FGFR1: variants seen among roughly 807,000 people sequenced by gnomAD.
The protein encoded by FGFR1 is FGFR1/PLAG1 fusion.
FGFR1 carries 18 observed loss-of-function variants against 93.7 expected under a neutral mutation model. The ratio of observed to expected loss-of-function variants is 0.19; its 90% CI spans 0.13 to 0.28. The LOEUF is 0.28. FGFR1 is among the 10% of genes least tolerant of loss of function. The pLI is 1.00. For synonymous variants in FGFR1, 448 were observed against 429.3 expected (o/e 1.04, Z -0.54); for missense variants, 731 against 1,080.4 (o/e 0.68, Z 4.53).
chr8:38,457,291 C>T lies in FGFR1; in HGVS notation c.91+65G>A, dbSNP rs2151337502. On this transcript the variant is annotated intron_variant, in intron 2 of 17. Transcript: ENST00000447712. Reference sequence around the variant, plus strand: ...ACCACATCACCTGCAACCATATCACCTCCCTCCCAGCCCATCCTGTTCCCA... The same window carrying T: ...ACCACATCACCTGCAACCATATCACTTCCCTCCCAGCCCATCCTGTTCCCA... The T allele has an allele frequency of 3.2e-6, 5 of 1,570,378 alleles. No homozygotes were observed. In the South Asian group the frequency reaches 4.5e-5, roughly 14 times the overall value.
In FGFR1 at chr8:38,468,222, C is replaced by A. The variant is rs560249284; in HGVS notation, c.-330G>T. The A allele has an allele frequency of 4.8e-5, 11 of 228,608 alleles. No individual in the cohort carries two copies. In the South Asian group the frequency reaches 1.8e-3, roughly 38 times the overall value. The allele number at this position is 228,608 out of a possible 1,614,324, so 14.2% of individuals were successfully genotyped here. The stretch of plus-strand genomic sequence containing the variant: ...GGAGGCGGGGCGGGGGGAGGGCTCC[C>A]GTCCGCCACCCGGGGTCTCCAGACC... On this transcript the variant is annotated 5_prime_UTR_variant, in exon 1 of 18. Coordinates refer to ENST00000447712, the MANE Select transcript of FGFR1 (RefSeq NM_023110.3).
chr8:38,440,628 T>G (rs1827097443), intron 2 of FGFR1, among the ~76,000 whole-genome samples: 1 of 151,474 alleles, frequency 6.6e-6, no homozygotes, highest in Admixed American at 6.6e-5. Context: ...GGGGACATTT[T>G]GCATGCAAAT....
At chr8:38,432,874 A>T (rs1823691941) in intron 2 of FGFR1, among the ~76,000 whole-genome samples, 2 of 139,464 alleles carry the variant, frequency 1.4e-5, no homozygotes, top group South Asian at 4.4e-4. Flanking sequence ...ACCCAGCCCC[A>T]TTCTCTCTAC....
At chr8:38,420,088 T>C in intron 8 of FGFR1, 1 of 324,640 alleles carries the variant, frequency 3.1e-6, no homozygotes, top group Non-Finnish European at 5.9e-6. Context: ...TCTATGTGCC[T>C]TTCTTGGTCT....
At chr8:38,419,223 T>C (rs1044839651) in intron 9 of FGFR1, among the ~76,000 whole-genome samples, 3 of 152,364 alleles carry the variant, frequency 2.0e-5, no homozygotes, top group Admixed American at 2.0e-4. Context: ...TCTGCACTTC[T>C]AAGCAGCCCT....
In FGFR1 at chr8:38,424,864, C is replaced by T. The variant is rs767601405; in HGVS notation, c.746-165G>A. On this transcript the variant is annotated intron_variant, in intron 6 of 17. Coordinates refer to ENST00000447712, the MANE Select transcript of FGFR1 (RefSeq NM_023110.3). The surrounding 1 kb of genome is among the most constrained non-coding windows in gnomAD (Gnocchi z 4.3). ...AAAACAGAGCTGGGGAAAGGGACACCCTCTCTTCAGGCCCTAAGCCATCAG... is the reference window on the plus strand; with the variant it reads ...AAAACAGAGCTGGGGAAAGGGACACTCTCTCTTCAGGCCCTAAGCCATCAG... 6.6e-6 allele frequency among the ~76,000 whole-genome samples: 1 copy of T among 152,176 alleles called. No homozygotes were observed. The highest frequency in any genetic ancestry group is 1.5e-5 in the Non-Finnish European group (1 of 68,012).
intron 2 of FGFR1, among the ~76,000 whole-genome samples, chr8:38,442,464 C>CATGT (rs1478693600): frequency 2.0e-5 from 3 of 151,684 alleles, no homozygotes; most frequent in Non-Finnish European, 4.4e-5. Flanking sequence ...GCCTCCCAGC[C>CATGT]ATGTGTCTGC....
intron 12 of FGFR1, among the ~76,000 whole-genome samples, chr8:38,416,548 C>T (rs985139047): frequency 2.0e-5 from 3 of 150,792 alleles, no homozygotes; most frequent in African/African-American, 2.4e-5. Context: ...CTCCGCCTCC[C>T]GTGTTCAAAC....
At chr8:38,416,428 G>C (rs1273702777) in intron 12 of FGFR1, among the ~76,000 whole-genome samples, 1 of 148,224 alleles carries the variant, frequency 6.7e-6, no homozygotes, top group East Asian at 2.0e-4. Context: ...GGGATTACAG[G>C]CATGAACAAT....
chr8:38,457,245 G>C (rs2151335377), intron 2 of FGFR1, 111 bp downstream of exon 2: 1 of 1,233,962 alleles, frequency 8.1e-7, no homozygotes. Flanking sequence ...TGCTCCACTT[G>C]GGAAGGAGCC....
At chr8:38,439,535 C>T (rs539402058) in intron 2 of FGFR1, among the ~76,000 whole-genome samples, 1 of 152,278 alleles carries the variant, frequency 6.6e-6, no homozygotes, top group East Asian at 1.9e-4. Flanking sequence ...ACAAGGGTCC[C>T]GGCTTTCAAG....
chr8:38,418,476 G>C, intron 9 of FGFR1, 103 bp from the exon 10 acceptor site: 4 of 1,357,710 alleles, frequency 2.9e-6, no homozygotes, highest in Non-Finnish European at 3.1e-6. Flanking sequence ...GCACATGTCT[G>C]TGTATCTGAT....
intron 2 of FGFR1, among the ~76,000 whole-genome samples, chr8:38,436,777 G>A (rs1466131694): frequency 2.6e-5 from 4 of 152,032 alleles, no homozygotes; most frequent in African/African-American, 9.7e-5. Flanking sequence ...GTGCTTTCAA[G>A]TTCAGGAACA....
chr8:38,426,472 C>T lies in FGFR1; in HGVS notation c.622-227G>A, dbSNP rs1820798886. On this transcript the variant is annotated intron_variant, in intron 5 of 17. Coordinates refer to ENST00000447712, the MANE Select transcript of FGFR1 (RefSeq NM_023110.3). The surrounding 1 kb of genome is among the most constrained non-coding windows in gnomAD (Gnocchi z 4.1). ...AAGACTCCAGAAGTCTCCACTGTGA[C>T]GTTCAAGATCATTCGTGATCCGGAC... is the stretch of plus-strand genomic sequence containing the variant. Among the ~76,000 whole-genome samples, 2 of 152,304 alleles carry T rather than the reference C, an allele frequency of 1.3e-5. No individual in the cohort carries two copies. Among genetic ancestry groups the T allele is most frequent in the African/African-American group, 2.4e-5 (1 of 41,572 alleles).
chr8:38,413,567 A>T lies in FGFR1; in HGVS notation c.*61T>A. On this transcript the variant is annotated 3_prime_UTR_variant, in exon 18 of 18. Coordinates refer to ENST00000447712, the MANE Select transcript of FGFR1 (RefSeq NM_023110.3). The surrounding 1 kb of genome is among the most constrained non-coding windows in gnomAD (Gnocchi z 4.2). ...GGGACGGACAGGTGGTGGGCCCAGC[A>T]GGGGCTGTGGGTGAGGGTTACAGCT... 1 of 1,530,932 alleles carries T rather than the reference A, an allele frequency of 6.5e-7. No individual in the cohort carries two copies. The highest frequency in any genetic ancestry group is 8.8e-7 in the Non-Finnish European group (1 of 1,130,254). The allele number at this position is 1,530,932 out of a possible 1,614,324, so 94.8% of individuals were successfully genotyped here.
In FGFR1 at chr8:38,412,887, C is replaced by G. The variant is rs948929318; in HGVS notation, c.*741G>C. 1 of 233,494 alleles carries G rather than the reference C, an allele frequency of 4.3e-6. No individual in the cohort carries two copies. Among genetic ancestry groups the G allele is most frequent in the Non-Finnish European group, 8.5e-6 (1 of 117,950 alleles). 14.5% of individuals were successfully genotyped at this position (233,494 alleles called of 1,614,324 possible). ...TGTTTTTAATATATAGCAACTGATG[C>G]CTCCCAGCCACCAGGAGCATCTTAC... On this transcript the variant is annotated 3_prime_UTR_variant, in exon 18 of 18. Transcript: ENST00000447712.
chr8:38,465,309 C>A (rs1835263594), intron 1 of FGFR1: 1 of 232,636 alleles, frequency 4.3e-6, no homozygotes, highest in South Asian at 1.8e-4. Context: ...GGAAAAATAC[C>A]TCGAAAATGA....
At chr8:38,415,620 G>T (rs1816235628) in intron 13 of FGFR1, among the ~76,000 whole-genome samples, 1 of 152,054 alleles carries the variant, frequency 6.6e-6, no homozygotes, top group African/African-American at 2.4e-5. Flanking sequence ...CTAAGTAGCT[G>T]CCTGAGGCTA....
At chr8:38,450,947 G>T (rs1436414532) in intron 2 of FGFR1, among the ~76,000 whole-genome samples, 1 of 152,022 alleles carries the variant, frequency 6.6e-6, no homozygotes, top group East Asian at 1.9e-4. Context: ...CCGAGGGCTG[G>T]GTCCTCCCTG....
Sources: gnomAD v4.1 joint callset for allele counts (sites outside exome capture counted in the v4.1 genomes callset) on GRCh38, gnomAD v4.1.1 for gene constraint, Gnocchi (gnomAD v3.1) non-coding constraint, MANE v1.5 for transcripts, NCBI Gene and HGNC (gene_info 2026-07-23, HGNC 2026-07-21) for gene names.